Variants in TCOF1 observed in about 807,000 individuals in gnomAD.
TCOF1 encodes the protein treacle ribosome biogenesis factor 1.
A neutral mutation model predicts 149.0 loss-of-function variants in TCOF1; 33 were observed. The observed-to-expected ratio is 0.22, with a 90% CI of 0.17 to 0.30. The LOEUF (loss-of-function observed/expected upper bound fraction) is 0.30, where lower values mean the gene tolerates loss of function less well. TCOF1 is among the 10% of genes least tolerant of loss of function. TCOF1 has a pLI of 1.00. For missense variants in TCOF1, 1,728 were observed against 1,840.7 expected, an observed-to-expected ratio of 0.94 and a Z score of 1.12; for synonymous variants, 789 against 738.8, an observed-to-expected ratio of 1.07 and a Z score of -1.10.
intron 17 of TCOF1, 72 bp downstream of exon 17, chr5:150,379,804 G>A: frequency 6.5e-7 from 1 of 1,549,520 alleles, no homozygotes; most frequent in Non-Finnish European, 8.8e-7. Context: ...GGGCGTGGTG[G>A]CTCACACCTG....
intron 23 of TCOF1, 73 bp from the exon 24 acceptor site, chr5:150,396,209 C>T: frequency 6.4e-7 from 1 of 1,559,094 alleles, no homozygotes; most frequent in Non-Finnish European, 8.8e-7. Context: ...CCTGCACCCT[C>T]TTCGCTCTTA....
At chr5:150,363,977 C>A in intron 2 of TCOF1, 136 bp from the exon 3 acceptor site, 2 of 1,293,140 alleles carry the variant, frequency 1.5e-6, no homozygotes, top group Non-Finnish European at 2.2e-6. Flanking sequence ...TGTGCCTATA[C>A]TGTGTTTTCA....
At chr5:150,369,104 C>T (rs1167107815) in intron 5 of TCOF1, among the ~76,000 whole-genome samples, 1 of 152,198 alleles carries the variant, frequency 6.6e-6, no homozygotes, top group Non-Finnish European at 1.5e-5. Flanking sequence ...GCTGAACAGC[C>T]CACCTGGTGG....
At chr5:150,383,025 C>A (rs1352485493) in intron 17 of TCOF1, 7 of 1,488,398 alleles carry the variant, frequency 4.7e-6, no homozygotes, top group Non-Finnish European at 6.3e-6. Flanking sequence ...ATGCCCCACT[C>A]CCCGACCACG....
intron 3 of TCOF1, among the ~76,000 whole-genome samples, chr5:150,365,798 C>T (rs1013025517): frequency 1.3e-5 from 2 of 151,950 alleles, no homozygotes; most frequent in South Asian, 2.1e-4. Context: ...CCTCAGCCTC[C>T]GGGTATGTAA....
chr5:150,396,636 C>T lies in TCOF1; in HGVS notation c.4139C>T (p.Pro1380Leu), dbSNP rs1339929908. The T allele has an allele frequency of 6.2e-7, 1 of 1,603,374 alleles. No individual in the cohort carries two copies. Among genetic ancestry groups the T allele is most frequent in the African/African-American group, 1.3e-5 (1 of 74,846 alleles). Residue 1380 changes from proline (P) to leucine (L), a missense_variant, in exon 24 of 27, where the codon CCA becomes CTA. By Grantham distance (98) the Pro-to-Leu change is moderately conservative. Transcript: ENST00000643257. The part of the protein sequence containing the change: ...AGEGGEASVS[P>L]EKTSTTSKGK... Reference sequence around the variant, plus strand: ...GAAGGTGGGGAGGCCTCTGTTTCCCCAGAAAAGACCTCCACGACTTCCAAG... The same window carrying T: ...GAAGGTGGGGAGGCCTCTGTTTCCCTAGAAAAGACCTCCACGACTTCCAAG...
At chr5:150,391,498 A>C in intron 19 of TCOF1, 46 bp from the exon 20 acceptor site, 1 of 1,529,890 alleles carries the variant, frequency 6.5e-7, no homozygotes, top group South Asian at 1.1e-5. Context: ...CACAGCTGGC[A>C]TCCCAAGGAC....
chr5:150,372,017 A>C lies in TCOF1; in HGVS notation c.651A>C (p.Ser217=), dbSNP rs370179351. ...TCCTCTTGTTCCAGGGGAAACCCTCAGTAAAACCAGCCCAGGTCAAAGCCT... is the reference window on the plus strand; with the variant it reads ...TCCTCTTGTTCCAGGGGAAACCCTCCGTAAAACCAGCCCAGGTCAAAGCCT... ...SDETDVEGKP[S]VKPAQVKASS... The change falls in exon 7 of 27, where the codon TCA becomes TCC. Residue 217 remains serine (S), a synonymous_variant. Coordinates refer to ENST00000643257, the MANE Select transcript of TCOF1 (RefSeq NM_001371623.1). 6.2e-7 allele frequency: 1 copy of C among 1,614,226 alleles called. No homozygotes were observed. The highest frequency in any genetic ancestry group is 1.1e-5 in the South Asian group (1 of 91,090).
intron 17 of TCOF1, chr5:150,380,124 G>C: frequency 4.0e-6 from 1 of 249,186 alleles, no homozygotes; most frequent in South Asian, 4.6e-5. Flanking sequence ...TTTAGGGCCA[G>C]GTAAGGAAAA....
Position 150,375,679 on chromosome 5 carries a change from T to C in TCOF1, c.1705-42T>C, listed in dbSNP as rs770539620. ...TAGTTTCTTAATGTCTGCACACACC[T>C]ACCCTGGGCTCCCTCTCCCGATCCT... On this transcript the variant is annotated intron_variant, in intron 11 of 26. Coordinates refer to ENST00000643257, the MANE Select transcript of TCOF1 (RefSeq NM_001371623.1). 1.3e-5 allele frequency: 21 copies of C among 1,613,774 alleles called. No individual in the cohort carries two copies. The South Asian group carries it at 1.9e-4, about 14-fold the overall frequency.
At position 150,396,286 on chromosome 5, in the gene TCOF1, A is replaced by G. The variant is rs749303638; in HGVS notation, c.3789A>G (p.Gly1263=). 5 of 1,614,036 alleles carry G rather than the reference A, an allele frequency of 3.1e-6. No individual in the cohort carries two copies. The South Asian group carries it at 4.4e-5, about 14-fold the overall frequency. The part of the protein sequence containing the change: ...AAGMLSPKTG[G]KEAASGTTPQ... ...CCCCACATTCTCTCTCCATAGGTGGAAAAGAGGCTGCTTCAGGCACCACAC... is the reference window on the plus strand; with the variant it reads ...CCCCACATTCTCTCTCCATAGGTGGGAAAGAGGCTGCTTCAGGCACCACAC... The change falls in exon 24 of 27, where the codon GGA becomes GGG. Residue 1263 remains glycine, a synonymous_variant. Transcript: ENST00000643257.
intron 14 of TCOF1, among the ~76,000 whole-genome samples, chr5:150,376,868 A>G (rs1419359100): frequency 1.3e-5 from 2 of 152,198 alleles, no homozygotes; most frequent in East Asian, 3.9e-4. Context: ...CAAGCTCTGG[A>G]GTTCCCACCC....
At chr5:150,382,923 C>G (rs1765520074) in intron 17 of TCOF1, 1 of 643,338 alleles carries the variant, frequency 1.6e-6, no homozygotes, top group Non-Finnish European at 2.6e-6. Flanking sequence ...CAGCAGGTAT[C>G]CCTGTGCATG....
At chr5:150,386,462 G>A (rs549325027) in intron 17 of TCOF1, among the ~76,000 whole-genome samples, 14 of 152,302 alleles carry the variant, frequency 9.2e-5, no homozygotes, top group African/African-American at 2.9e-4. Context: ...ATTTGGCAGG[G>A]GTAGGAAAGG....
intron 19 of TCOF1, among the ~76,000 whole-genome samples, chr5:150,391,076 G>A (rs1167680954): frequency 6.6e-6 from 1 of 152,256 alleles, no homozygotes; most frequent in East Asian, 1.9e-4. Context: ...CAGGTACCAG[G>A]TCTTCGGGGG....
At chr5:150,384,424 G>C in intron 17 of TCOF1, 1 of 985,458 alleles carries the variant, frequency 1.0e-6, no homozygotes, top group African/African-American at 1.7e-5. Context: ...CCTGGTGTTT[G>C]AGCACAGGCC....
intron 17 of TCOF1, chr5:150,385,100 T>G (rs1340367360): frequency 1.0e-6 from 1 of 981,242 alleles, no homozygotes; most frequent in Non-Finnish European, 1.2e-6. Flanking sequence ...TTAATTTAGC[T>G]ATTCCACAAT....
intron 3 of TCOF1, among the ~76,000 whole-genome samples, chr5:150,366,947 G>T (rs1170146274): frequency 4.8e-5 from 1 of 20,650 alleles, no homozygotes; most frequent in Non-Finnish European, 9.6e-5. Context: ...AGGCCACCGC[G>T]CCCGGCCCAA....
intron 1 of TCOF1, among the ~76,000 whole-genome samples, chr5:150,358,235 G>C (rs887416159): frequency 6.6e-6 from 1 of 152,182 alleles, no homozygotes; most frequent in African/African-American, 2.4e-5. Context: ...GCGAGTCTCG[G>C]GGGTGGATTG....
Sources: gnomAD v4.1 joint callset for allele counts (sites outside exome capture counted in the v4.1 genomes callset) on GRCh38, gnomAD v4.1.1 for gene constraint, MANE v1.5 for transcripts, NCBI Gene and HGNC (gene_info 2026-07-23, HGNC 2026-07-21) for gene names.